The following RAP1GDS1 variants were observed in gnomAD, a reference collection of about 807,000 sequenced individuals.
RAP1GDS1 encodes the protein Rap1 GTPase-GDP dissociation stimulator 1.
A neutral mutation model predicts 71.1 loss-of-function variants in RAP1GDS1; 35 were observed. The observed-to-expected ratio is 0.49, with a 90% CI of 0.38 to 0.65. The LOEUF (loss-of-function observed/expected upper bound fraction) is 0.65. Ranked by LOEUF, RAP1GDS1 falls within the 30% of genes least tolerant of loss-of-function variation. RAP1GDS1 has a pLI of 0.00. For synonymous variants in RAP1GDS1, 229 were observed against 243.1 expected, an observed-to-expected ratio of 0.94 and a Z score of 0.54; for missense variants, 663 against 706.1, an observed-to-expected ratio of 0.94 and a Z score of 0.69.
At chr4:98,287,205 G>A (rs1726172387) in intron 1 of RAP1GDS1, among the ~76,000 whole-genome samples, 1 of 151,894 alleles carries the variant, frequency 6.6e-6, no homozygotes, top group African/African-American at 2.4e-5. Flanking sequence ...TATACAAGTA[G>A]GGTTCTATGT....
intron 4 of RAP1GDS1, among the ~76,000 whole-genome samples, chr4:98,371,112 T>C (rs185159061): frequency 7.6e-4 from 115 of 151,664 alleles, no homozygotes; most frequent in African/African-American, 2.5e-3. Flanking sequence ...AGGATTGTTA[T>C]ATCTTTTTTT....
At position 98,266,029 on chromosome 4, in the gene RAP1GDS1, G is replaced by A. The variant is rs561262315; in HGVS notation, c.4+4460G>A. Among the ~76,000 whole-genome samples the A allele has an allele frequency of 2.0e-5, 3 of 152,078 alleles. No individual in the cohort carries two copies. The South Asian group carries it at 6.2e-4, about 32-fold the overall frequency. On this transcript the variant is annotated intron_variant, in intron 1 of 14. Coordinates refer to ENST00000408927, the MANE Select transcript of RAP1GDS1 (RefSeq NM_001100427.2). ...GTTTAAAGATCTGTGAGAAAACATA[G>A]ATTTTTAAAAATATTTTTAACTCAC...
At chr4:98,313,171 G>A in intron 2 of RAP1GDS1, among the ~76,000 whole-genome samples, 1 of 151,826 alleles carries the variant, frequency 6.6e-6, no homozygotes. Context: ...GAGACCTAGG[G>A]AAGGGCTGAT....
At chr4:98,428,065 C>G (rs1489134096) in intron 12 of RAP1GDS1, among the ~76,000 whole-genome samples, 1 of 152,006 alleles carries the variant, frequency 6.6e-6, no homozygotes, top group East Asian at 1.9e-4. Context: ...ATACTTACAG[C>G]CAACTGATCT....
intron 2 of RAP1GDS1, among the ~76,000 whole-genome samples, chr4:98,342,562 A>G (rs1735637898): frequency 6.6e-6 from 1 of 152,164 alleles, no homozygotes; most frequent in East Asian, 1.9e-4. Flanking sequence ...AGAGTTCAGA[A>G]TACTATGGGT....
intron 2 of RAP1GDS1, among the ~76,000 whole-genome samples, chr4:98,316,833 A>C (rs1480856575): frequency 6.6e-6 from 1 of 152,194 alleles, no homozygotes; most frequent in Non-Finnish European, 1.5e-5. Flanking sequence ...AGTGAAAGAT[A>C]GGAGCTAGAG....
chr4:98,285,332 A>G (rs1725812168), intron 1 of RAP1GDS1, among the ~76,000 whole-genome samples: 1 of 152,192 alleles, frequency 6.6e-6, no homozygotes, highest in Non-Finnish European at 1.5e-5. Context: ...AGAGATATTA[A>G]TTGACTGTTC....
intron 2 of RAP1GDS1, among the ~76,000 whole-genome samples, chr4:98,298,331 A>G (rs72894299): frequency 0.019 from 2,950 of 152,282 alleles, 105 homozygotes; most frequent in African/African-American, 0.067. Flanking sequence ...TAGATGAAAC[A>G]GCTTGGTATT....
At chr4:98,325,188 C>T (rs1408382007) in intron 2 of RAP1GDS1, among the ~76,000 whole-genome samples, 13 of 151,660 alleles carry the variant, frequency 8.6e-5, no homozygotes, top group Admixed American at 3.3e-4. Context: ...CCATCACTGG[C>T]CATCAGAGAA....
chr4:98,317,106 T>C (rs1731051473), intron 2 of RAP1GDS1, among the ~76,000 whole-genome samples: 1 of 152,110 alleles, frequency 6.6e-6, no homozygotes, highest in Non-Finnish European at 1.5e-5. Flanking sequence ...TATTTCCCTC[T>C]TTGTTCCCCT....
intron 3 of RAP1GDS1, among the ~76,000 whole-genome samples, chr4:98,346,510 C>A (rs992508574): frequency 1.3e-5 from 2 of 151,910 alleles, no homozygotes; most frequent in African/African-American, 2.4e-5. Flanking sequence ...ACCTCGAGAC[C>A]TCAGTGTTGG....
chr4:98,325,212 C>T (rs1162859818), intron 2 of RAP1GDS1, among the ~76,000 whole-genome samples: 1 of 151,532 alleles, frequency 6.6e-6, no homozygotes, highest in Admixed American at 6.6e-5. Context: ...CAAATCAAAA[C>T]CACTATGAGA....
At position 98,375,130 on chromosome 4, in the gene RAP1GDS1, C is replaced by G. The variant is rs1298028140; in HGVS notation, c.362-3887C>G. ...TTAAGTCTGAAATCAAGGTGCTCAC[C>G]AGGGCATGCCTCTCTCTGAAACCTG... On this transcript the variant is annotated intron_variant, in intron 4 of 14. Coordinates refer to ENST00000408927, the MANE Select transcript of RAP1GDS1 (RefSeq NM_001100427.2). 2.6e-5 allele frequency among the ~76,000 whole-genome samples: 4 copies of G among 152,044 alleles called. No homozygotes were observed. In the East Asian group the frequency reaches 7.7e-4, roughly 29 times the overall value.
At chr4:98,409,035 A>G (rs1236942854) in intron 7 of RAP1GDS1, among the ~76,000 whole-genome samples, 3 of 152,148 alleles carry the variant, frequency 2.0e-5, no homozygotes, top group Admixed American at 1.3e-4. Context: ...TGCATTAAAG[A>G]GAATAAAAGA....
At chr4:98,333,798 A>G (rs1734328449) in intron 2 of RAP1GDS1, among the ~76,000 whole-genome samples, 2 of 152,140 alleles carry the variant, frequency 1.3e-5, no homozygotes, top group South Asian at 4.1e-4. Context: ...TCACCTAAGT[A>G]AGAAACTAAA....
chr4:98,334,432 T>C (rs1734418406), intron 2 of RAP1GDS1, among the ~76,000 whole-genome samples: 1 of 152,238 alleles, frequency 6.6e-6, no homozygotes, highest in Admixed American at 6.5e-5. Context: ...ACAAAATTTC[T>C]AAGTGGCATT....
At chr4:98,351,340 T>A (rs1737158506) in intron 3 of RAP1GDS1, among the ~76,000 whole-genome samples, 3 of 152,140 alleles carry the variant, frequency 2.0e-5, no homozygotes, top group Admixed American at 2.0e-4. Flanking sequence ...AATACCTCTG[T>A]GATTTACAGC....
chr4:98,290,642 G>T (rs1411124544), intron 1 of RAP1GDS1, among the ~76,000 whole-genome samples: 2 of 152,094 alleles, frequency 1.3e-5, no homozygotes, highest in Non-Finnish European at 2.9e-5. Context: ...GCTTGGCAAA[G>T]TTTGAAGGTT....
At chr4:98,269,161 T>G (rs1196317377) in intron 1 of RAP1GDS1, among the ~76,000 whole-genome samples, 5 of 97,160 alleles carry the variant, frequency 5.1e-5, no homozygotes, top group Non-Finnish European at 7.5e-5. Flanking sequence ...GAATTTACAG[T>G]CAATTGATCT....
Sources: allele counts gnomAD v4.1 joint callset (sites outside exome capture counted in the v4.1 genomes callset), GRCh38; gene constraint gnomAD v4.1.1; transcripts MANE v1.5; gene names NCBI Gene and HGNC (gene_info 2026-07-23, HGNC 2026-07-21).